Variants in TNFRSF10A observed in about 807,000 individuals in gnomAD.
TNFRSF10A encodes the protein tumor necrosis factor receptor superfamily member 10A.
Under a neutral mutation model 42.8 loss-of-function variants are expected in TNFRSF10A, and 44 were observed. That is an observed-to-expected ratio of 1.03 (90% CI 0.81 to 1.32). TNFRSF10A has a LOEUF of 1.32. TNFRSF10A is among the 40% of genes most tolerant of loss of function. The pLI is 0.00. For missense variants in TNFRSF10A, 680 were observed against 602.0 expected, an observed-to-expected ratio of 1.13 and a Z score of -1.36; for synonymous variants, 259 against 234.2, an observed-to-expected ratio of 1.11 and a Z score of -0.97.
intron 1 of TNFRSF10A, among the ~76,000 whole-genome samples, chr8:23,215,555 A>G (rs1256537814): frequency 6.6e-6 from 1 of 152,170 alleles, no homozygotes; most frequent in Non-Finnish European, 1.5e-5. Flanking sequence ...AACAAACAAA[A>G]CAAACAATGA....
Position 23,199,277 on chromosome 8 carries a change from G to T in TNFRSF10A, c.1003C>A (p.Gln335Lys), listed in dbSNP as rs371257093. 6.2e-7 allele frequency: 1 copy of T among 1,613,270 alleles called. No individual in the cohort carries two copies. Among genetic ancestry groups the T allele is most frequent in the Non-Finnish European group, 8.5e-7 (1 of 1,179,352 alleles). Residue 335 changes from glutamine (Q) to lysine (K), a missense_variant, in exon 8 of 10, where the codon CAG (glutamine) becomes AAG (lysine). Gln to Lys is a moderately conservative substitution (Grantham distance 53). Coordinates refer to ENST00000221132, the MANE Select transcript of TNFRSF10A (RefSeq NM_003844.4). ...TGTCCCCAACTCACCAGCAGACACT[G>T]TGCCTCCCCTGGGGACTGTACAGTG... ...GVTVQSPGEA[Q>K]CLLGPAEAEG...
intron 1 of TNFRSF10A, among the ~76,000 whole-genome samples, chr8:23,214,893 G>C (rs1801155202): frequency 5.3e-5 from 8 of 152,192 alleles, no homozygotes; most frequent in Admixed American, 5.2e-4. Context: ...TGAAATACTA[G>C]AGTCAGAAAA....
intron 1 of TNFRSF10A, among the ~76,000 whole-genome samples, chr8:23,215,442 AGGT>A (rs1415539860): frequency 6.6e-6 from 1 of 152,138 alleles, no homozygotes; most frequent in Non-Finnish European, 1.5e-5. Flanking sequence ...CAGGAGGCGG[AGGT>A]TCCAGTGAGC....
At chr8:23,200,975 G>A (rs1800905355) in intron 4 of TNFRSF10A, among the ~76,000 whole-genome samples, 1 of 152,152 alleles carries the variant, frequency 6.6e-6, no homozygotes, top group Admixed American at 6.5e-5. Context: ...CCCTGCTCTG[G>A]GGTCAGAGCT....
intron 2 of TNFRSF10A, among the ~76,000 whole-genome samples, chr8:23,205,558 C>G (rs1407942365): frequency 6.6e-6 from 1 of 152,020 alleles, no homozygotes; most frequent in Non-Finnish European, 1.5e-5. Context: ...ATGCAGTTTT[C>G]CAGAAGAAGG....
chr8:23,204,582 T>C (rs1800979138), intron 2 of TNFRSF10A, among the ~76,000 whole-genome samples: 1 of 152,160 alleles, frequency 6.6e-6, no homozygotes, highest in Non-Finnish European at 1.5e-5. Context: ...AACACTCTAC[T>C]CAATCAAAAC....
rs747581570 is a variant in TNFRSF10A, at chr8:23,212,167, T to A, written c.352A>T (p.Ile118Phe). The stretch of plus-strand genomic sequence containing the variant: ...CTATGTTCCCATTGCTGTGTGCCAA[T>A]TGATTGATCATGAAGTTTGATGGTT... ...AATIKLHDQS[I>F]GTQQWEHSPL... The change falls in exon 2 of 10, where the codon ATT becomes TTT. Residue 118 changes from isoleucine (I) to phenylalanine (F), a missense_variant. Ile to Phe is a conservative substitution (Grantham distance 21). Transcript: ENST00000221132. 1 of 1,613,904 alleles carries A rather than the reference T, an allele frequency of 6.2e-7. No individual in the cohort carries two copies. The highest frequency in any genetic ancestry group is 1.1e-5 in the South Asian group (1 of 91,088).
intron 1 of TNFRSF10A, among the ~76,000 whole-genome samples, chr8:23,217,174 A>G (rs140677386): frequency 2.4e-4 from 36 of 152,272 alleles, no homozygotes; most frequent in African/African-American, 7.9e-4. Context: ...CTCTACTATT[A>G]GACATATACA....
rs148694938 is a variant in TNFRSF10A, at chr8:23,200,511, C to A, written c.793G>T (p.Gly265Cys). 8.7e-6 allele frequency: 14 copies of A among 1,614,002 alleles called. No homozygotes were observed. In the African/African-American group the frequency reaches 1.7e-4, roughly 20 times the overall value. Residue 265 changes from glycine to cysteine, a missense_variant, in exon 6 of 10, where the codon GGC (glycine) becomes TGC (cysteine). Coordinates refer to ENST00000221132, the MANE Select transcript of TNFRSF10A (RefSeq NM_003844.4). ...GCCCTCAGCCAGCACCTACCTGAGC[C>A]GATGCAACAACAGACAATCAGCACA... The part of the protein sequence containing the change: ...VAVLIVCCCI[G>C]SGCGGDPKCM...
At chr8:23,195,695 T>C (rs1045651016) in intron 9 of TNFRSF10A, among the ~76,000 whole-genome samples, 1 of 152,188 alleles carries the variant, frequency 6.6e-6, no homozygotes, top group African/African-American at 2.4e-5. Context: ...ATTTTGCAGG[T>C]ACATTGGTCC....
chr8:23,205,841 C>T (rs560048821), intron 2 of TNFRSF10A, among the ~76,000 whole-genome samples: 55 of 151,888 alleles, frequency 3.6e-4, no homozygotes, highest in African/African-American at 1.2e-3. Flanking sequence ...CTCAGCCTCC[C>T]GAGTAGCTGG....
chr8:23,201,589 G>A (rs1410329317), intron 4 of TNFRSF10A, among the ~76,000 whole-genome samples: 1 of 152,020 alleles, frequency 6.6e-6, no homozygotes, highest in Non-Finnish European at 1.5e-5. Flanking sequence ...GGGTGAGAAG[G>A]GGCCACTGCA....
intron 2 of TNFRSF10A, among the ~76,000 whole-genome samples, chr8:23,207,581 T>A (rs1487917865): frequency 2.6e-5 from 4 of 152,184 alleles, no homozygotes; most frequent in Non-Finnish European, 5.9e-5. Context: ...TTTGGCTGTG[T>A]CCCCACACAA....
At chr8:23,207,477 G>A (rs930338599) in intron 2 of TNFRSF10A, 1 of 385,582 alleles carries the variant, frequency 2.6e-6, no homozygotes, top group African/African-American at 2.1e-5. Flanking sequence ...ATTTCAAGAA[G>A]AATTAATACC....
intron 2 of TNFRSF10A, among the ~76,000 whole-genome samples, chr8:23,204,365 G>A (rs6995408): frequency 0.48 from 72,484 of 151,968 alleles, 18,548 homozygotes; most frequent in East Asian, 0.98. Flanking sequence ...TTAACTATAT[G>A]AAAATTAGGA....
intron 9 of TNFRSF10A, among the ~76,000 whole-genome samples, chr8:23,192,887 A>G (rs6557625): frequency 0.86 from 130,935 of 152,130 alleles, 56,476 homozygotes; most frequent in East Asian, 0.98. Flanking sequence ...AAGACCTGCA[A>G]GCATCTCAAA....
At chr8:23,209,844 G>C (rs895214499) in intron 2 of TNFRSF10A, among the ~76,000 whole-genome samples, 1 of 152,228 alleles carries the variant, frequency 6.6e-6, no homozygotes, top group Non-Finnish European at 1.5e-5. Context: ...AAGACTTTGG[G>C]GGACTGTTGG....
intron 7 of TNFRSF10A, 22 bp from the exon 8 acceptor site, chr8:23,199,470 C>G (rs1292324477): frequency 6.2e-7 from 1 of 1,601,262 alleles, no homozygotes; most frequent in Admixed American, 1.7e-5. Flanking sequence ...AAAGAGCCAA[C>G]TCAGAAGCCC....
At chr8:23,195,238 T>C (rs929669569) in intron 9 of TNFRSF10A, among the ~76,000 whole-genome samples, 1 of 152,162 alleles carries the variant, frequency 6.6e-6, no homozygotes, top group Admixed American at 6.5e-5. Flanking sequence ...CAGGAGCTGA[T>C]TGAGTGGACT....
Sources: allele counts gnomAD v4.1 joint callset (sites outside exome capture counted in the v4.1 genomes callset), GRCh38; gene constraint gnomAD v4.1.1; transcripts MANE v1.5; gene names NCBI Gene and HGNC (gene_info 2026-07-23, HGNC 2026-07-21).